The following PDE4D variants were observed in gnomAD, a reference collection of about 807,000 sequenced individuals.
PDE4D encodes the protein phosphodiesterase 4D.
In PDE4D, 24 loss-of-function variants were observed where a neutral mutation model predicts 87.4. That is an observed-to-expected ratio of 0.27 (90% confidence interval 0.20 to 0.39). PDE4D has a LOEUF of 0.39. Among genes scored for constraint, PDE4D ranks in the 10% least tolerant of loss-of-function variants. The probability of loss-of-function intolerance (pLI) is 1.00; values close to 1 mark genes in which losing one functional copy is unlikely to be tolerated. For missense variants in PDE4D, 714 were observed against 1,041.0 expected (o/e 0.69, Z 4.32); for synonymous variants, 384 against 383.2 (o/e 1.00, Z -0.02).
chr5:60,104,304 G>C (rs922011302), intron 2 of PDE4D, among the ~76,000 whole-genome samples: 1 of 152,160 alleles, frequency 6.6e-6, no homozygotes, highest in African/African-American at 2.4e-5. Context: ...AGCGAGGCTG[G>C]GGGAGAGGCG....
chr5:59,786,159 G>T (rs1471603275), intron 1 of PDE4D, among the ~76,000 whole-genome samples: 2 of 152,278 alleles, frequency 1.3e-5, no homozygotes, highest in Non-Finnish European at 2.9e-5. Flanking sequence ...TGTCTGGAAA[G>T]TTCCATCGAT....
intron 1 of PDE4D, among the ~76,000 whole-genome samples, chr5:59,301,773 G>A (rs943427264): frequency 1.3e-5 from 2 of 152,066 alleles, no homozygotes; most frequent in Non-Finnish European, 2.9e-5. Context: ...AGCAGGGTAG[G>A]AGAGTGCCCC....
intron 1 of PDE4D, among the ~76,000 whole-genome samples, chr5:60,516,853 C>A (rs1382861325): frequency 6.6e-6 from 1 of 152,180 alleles, no homozygotes; most frequent in Non-Finnish European, 1.5e-5. Context: ...CAAGGCGCAG[C>A]CAGGGCTGCA....
At chr5:59,189,554 A>C (rs1025607074) in intron 3 of PDE4D, among the ~76,000 whole-genome samples, 2 of 152,052 alleles carry the variant, frequency 1.3e-5, no homozygotes, top group Non-Finnish European at 2.9e-5. Context: ...TTGTGTCACA[A>C]ATCCTGGGAT....
At chr5:60,145,419 C>G (rs1780902518) in intron 2 of PDE4D, among the ~76,000 whole-genome samples, 1 of 152,102 alleles carries the variant, frequency 6.6e-6, no homozygotes, top group African/African-American at 2.4e-5. Flanking sequence ...TTTTAATTAC[C>G]AAAGTCCTCA....
intron 3 of PDE4D, among the ~76,000 whole-genome samples, chr5:59,930,771 A>T (rs1755821354): frequency 6.6e-6 from 1 of 152,224 alleles, no homozygotes; most frequent in Non-Finnish European, 1.5e-5. Flanking sequence ...AAAGAGAAGC[A>T]GGAATTTTTT....
intron 1 of PDE4D, among the ~76,000 whole-genome samples, chr5:59,221,960 C>T (rs1752665556): frequency 6.6e-6 from 1 of 152,160 alleles, no homozygotes; most frequent in South Asian, 2.1e-4. Context: ...TATTTGGTCT[C>T]CCATGAGGGG....
chr5:59,522,672 G>A (rs1812453355), intron 1 of PDE4D, among the ~76,000 whole-genome samples: 1 of 152,120 alleles, frequency 6.6e-6, no homozygotes, highest in Non-Finnish European at 1.5e-5. Context: ...GAATCTTGAG[G>A]AGTAAAATTG....
At chr5:59,665,338 G>C (rs1745903459) in intron 1 of PDE4D, among the ~76,000 whole-genome samples, 1 of 152,176 alleles carries the variant, frequency 6.6e-6, no homozygotes, top group Non-Finnish European at 1.5e-5. Flanking sequence ...TATTGATCCT[G>C]ACATTCCAAA....
intron 1 of PDE4D, among the ~76,000 whole-genome samples, chr5:60,476,851 C>A (rs115741317): frequency 6.6e-5 from 10 of 152,270 alleles, no homozygotes; most frequent in Non-Finnish European, 1.0e-4. Context: ...ACCCTTATCA[C>A]GGCCAAGCAT....
intron 5 of PDE4D, among the ~76,000 whole-genome samples, chr5:59,143,365 C>A (rs1024209810): frequency 1.3e-5 from 2 of 152,144 alleles, no homozygotes; most frequent in East Asian, 3.9e-4. Context: ...ATGTCACTAT[C>A]AATAAATCAA....
Position 60,128,565 on chromosome 5 carries a change from C to G in PDE4D, c.42+56992G>C, listed in dbSNP as rs566952247. Among the ~76,000 whole-genome samples, 70 of 152,318 alleles carry G rather than the reference C, an allele frequency of 4.6e-4. No homozygotes were observed. The South Asian group carries it at 0.014, about 31-fold the overall frequency. On this transcript the variant is annotated intron_variant, in intron 2 of 16. Coordinates refer to the PDE4D transcript ENST00000502484. The stretch of plus-strand genomic sequence containing the variant: ...AGCCACAGGTGCATAGGAAGAAACC[C>G]AGGTGTCTGGGTGACCAGGTGGAAG...
intron 1 of PDE4D, among the ~76,000 whole-genome samples, chr5:60,367,857 A>G (rs1248733147): frequency 6.6e-6 from 1 of 152,170 alleles, no homozygotes; most frequent in Non-Finnish European, 1.5e-5. Context: ...CCAGACTCTA[A>G]CATGATCCCC....
intron 1 of PDE4D, among the ~76,000 whole-genome samples, chr5:59,781,647 A>G (rs1764633338): frequency 6.6e-6 from 1 of 151,800 alleles, no homozygotes; most frequent in Non-Finnish European, 1.5e-5. Context: ...TTAGCCAGGC[A>G]TGGTGGCGGG....
At chr5:59,540,318 C>T (rs764644953) in intron 1 of PDE4D, among the ~76,000 whole-genome samples, 4 of 151,404 alleles carry the variant, frequency 2.6e-5, no homozygotes, top group Non-Finnish European at 5.9e-5. Flanking sequence ...GTATTCCATG[C>T]TGAAACTTAA....
intron 1 of PDE4D, among the ~76,000 whole-genome samples, chr5:59,452,591 A>G (rs1168233029): frequency 1.3e-5 from 2 of 152,204 alleles, no homozygotes; most frequent in African/African-American, 2.4e-5. Context: ...TAGAGAGAGT[A>G]AAACACTCTG....
chr5:60,238,990 T>A (rs1195818991), intron 1 of PDE4D, among the ~76,000 whole-genome samples: 1 of 152,046 alleles, frequency 6.6e-6, no homozygotes, highest in Non-Finnish European at 1.5e-5. Flanking sequence ...TGCTTAGCAT[T>A]CCAATAATGG....
At chr5:59,715,378 A>T (rs1475608740) in intron 1 of PDE4D, among the ~76,000 whole-genome samples, 1 of 152,192 alleles carries the variant, frequency 6.6e-6, no homozygotes, top group East Asian at 1.9e-4. Context: ...TTCACCATTT[A>T]AGGAAGGGCA....
intron 3 of PDE4D, 49 bp downstream of exon 3, chr5:59,193,451 A>G: frequency 6.5e-7 from 1 of 1,540,564 alleles, no homozygotes; most frequent in African/African-American, 1.4e-5. Context: ...TCCCCAAATT[A>G]AATTTTTACA....
Sources: allele counts gnomAD v4.1 joint callset (sites outside exome capture counted in the v4.1 genomes callset), GRCh38; gene constraint gnomAD v4.1.1; transcripts MANE v1.5; gene names NCBI Gene and HGNC (gene_info 2026-07-23, HGNC 2026-07-21).